SLC35F4: variants seen among roughly 807,000 people sequenced by gnomAD.
SLC35F4 encodes the protein chromosome 14 open reading frame 36.
Under a neutral mutation model 44.2 loss-of-function variants are expected in SLC35F4, and 24 were observed. The ratio of observed to expected loss-of-function variants is 0.54; its 90% CI spans 0.39 to 0.76. The LOEUF (loss-of-function observed/expected upper bound fraction) is 0.76. Among genes scored for constraint, SLC35F4 ranks in the 30% least tolerant of loss-of-function variants. SLC35F4 has a pLI of 0.00. For synonymous variants in SLC35F4, 238 were observed against 223.6 expected (o/e 1.06, Z -0.57); for missense variants, 562 against 586.1 (o/e 0.96, Z 0.42).
intron 1 of SLC35F4, among the ~76,000 whole-genome samples, chr14:57,940,395 C>T (rs1594639844): frequency 2.6e-5 from 4 of 152,080 alleles, no homozygotes; most frequent in African/African-American, 9.6e-5. Flanking sequence ...TTCTGTACAC[C>T]CTAAAATTGT....
intron 1 of SLC35F4, among the ~76,000 whole-genome samples, chr14:57,621,870 G>C (rs1345465491): frequency 6.7e-6 from 1 of 149,970 alleles, no homozygotes; most frequent in Admixed American, 6.7e-5. Flanking sequence ...TACCATCAGA[G>C]TGAACAGGCA....
chr14:57,685,525 T>C (rs2140315901), intron 1 of SLC35F4, among the ~76,000 whole-genome samples: 1 of 152,320 alleles, frequency 6.6e-6, no homozygotes, highest in Middle Eastern at 3.4e-3. Flanking sequence ...ATTACCTTTT[T>C]TCAGTTAATA....
At chr14:57,564,515 T>C in intron 7 of SLC35F4, 139 bp from the exon 8 acceptor site, 1 of 1,210,960 alleles carries the variant, frequency 8.3e-7, no homozygotes, top group South Asian at 1.6e-5. Flanking sequence ...TTTTTCCACA[T>C]TGCTAGGTTT....
At chr14:57,729,830 C>A (rs1046884041) in intron 1 of SLC35F4, among the ~76,000 whole-genome samples, 1 of 152,136 alleles carries the variant, frequency 6.6e-6, no homozygotes, top group Non-Finnish European at 1.5e-5. Flanking sequence ...TACCTGGGAC[C>A]CCAGAGCACT....
intron 1 of SLC35F4, among the ~76,000 whole-genome samples, chr14:57,660,589 G>A (rs2074106790): frequency 6.6e-6 from 1 of 151,232 alleles, no homozygotes; most frequent in Non-Finnish European, 1.5e-5. Context: ...GAGATGGTCT[G>A]CATGATCAAT....
intron 1 of SLC35F4, among the ~76,000 whole-genome samples, chr14:57,719,026 TA>T (rs761992712): frequency 1.3e-5 from 2 of 152,180 alleles, no homozygotes; most frequent in African/African-American, 2.4e-5. Flanking sequence ...AGGCAAGAGA[TA>T]GGGGCCAAGT....
intron 1 of SLC35F4, among the ~76,000 whole-genome samples, chr14:57,951,122 T>G (rs768408102): frequency 6.6e-6 from 1 of 152,236 alleles, no homozygotes. Flanking sequence ...TCATTGGGAC[T>G]GGTTAGACAA....
intron 1 of SLC35F4, among the ~76,000 whole-genome samples, chr14:57,814,269 T>C (rs1566876189): frequency 6.6e-6 from 1 of 152,236 alleles, no homozygotes; most frequent in Non-Finnish European, 1.5e-5. Context: ...ATTTACTACC[T>C]AGGGCTAGCC....
At chr14:57,596,377 G>A (rs238382) in intron 1 of SLC35F4, 171,605 of 239,536 alleles carry the variant, frequency 0.72, 62,849 homozygotes, top group Middle Eastern at 0.79. Context: ...ACCTTGTACA[G>A]CTATGTTTCT....
At chr14:57,778,958 G>C (rs142314911) in intron 1 of SLC35F4, among the ~76,000 whole-genome samples, 2 of 152,208 alleles carry the variant, frequency 1.3e-5, no homozygotes, top group East Asian at 3.9e-4. Context: ...CAATCTCTTG[G>C]ACACTGATAA....
At chr14:57,731,621 C>T (rs1324675315) in intron 1 of SLC35F4, among the ~76,000 whole-genome samples, 1 of 152,212 alleles carries the variant, frequency 6.6e-6, no homozygotes, top group East Asian at 1.9e-4. Flanking sequence ...GTACCTGTCT[C>T]TCCTAAGTCT....
intron 1 of SLC35F4, among the ~76,000 whole-genome samples, chr14:57,873,146 C>A (rs1405753594): frequency 6.6e-6 from 1 of 152,140 alleles, no homozygotes; most frequent in African/African-American, 2.4e-5. Flanking sequence ...GTTTGATTCT[C>A]CCCTGTAATC....
chr14:57,901,679 G>T (rs989795986), intron 1 of SLC35F4, among the ~76,000 whole-genome samples: 1 of 152,096 alleles, frequency 6.6e-6, no homozygotes, highest in African/African-American at 2.4e-5. Context: ...CCTAAAAGTT[G>T]AAGAAAAATA....
At chr14:57,799,612 TG>T (rs1359828211) in intron 1 of SLC35F4, 1 of 152,804 alleles carries the variant, frequency 6.5e-6, no homozygotes, top group Non-Finnish European at 1.5e-5. Context: ...GCGGAGCTCC[TG>T]GGGGGAGGGG....
chr14:57,578,620 T>G (rs574077207), intron 4 of SLC35F4: 1 of 152,256 alleles, frequency 6.6e-6, no homozygotes, highest in Admixed American at 6.5e-5. Flanking sequence ...CACGTTACCA[T>G]TCTTCCGGAA....
intron 1 of SLC35F4, among the ~76,000 whole-genome samples, chr14:57,920,649 C>T (rs1038485582): frequency 2.0e-5 from 3 of 152,222 alleles, no homozygotes; most frequent in African/African-American, 4.8e-5. Context: ...CTCTGTCCAA[C>T]TAATCCAGTC....
At chr14:57,804,395 A>G (rs891117998) in intron 1 of SLC35F4, among the ~76,000 whole-genome samples, 2 of 152,208 alleles carry the variant, frequency 1.3e-5, no homozygotes, top group African/African-American at 4.8e-5. Context: ...AGTAACCAAA[A>G]AAGCAAGGTA....
At chr14:57,656,368 TATATATATAC>T (rs2073971172) in intron 1 of SLC35F4, among the ~76,000 whole-genome samples, 1 of 79,066 alleles carries the variant, frequency 1.3e-5, no homozygotes, top group African/African-American at 6.4e-5. Context: ...AGTATATATA[TATATATATAC>T]ACACACACAC....
chr14:57,617,949 G>T (rs1273703507), intron 1 of SLC35F4, among the ~76,000 whole-genome samples: 1 of 152,152 alleles, frequency 6.6e-6, no homozygotes, highest in African/African-American at 2.4e-5. Context: ...CAACAGAAGG[G>T]ACTTTAAAGA....
Sources: allele counts gnomAD v4.1 joint callset (sites outside exome capture counted in the v4.1 genomes callset), GRCh38; gene constraint gnomAD v4.1.1; transcripts MANE v1.5; gene names NCBI Gene and HGNC (gene_info 2026-07-23, HGNC 2026-07-21).